The following MCTP1 variants were observed in gnomAD, a reference collection of about 807,000 sequenced individuals.
The protein encoded by MCTP1 is multiple C2 and transmembrane domain containing 1, also known as multiple C2 and transmembrane domain-containing protein 1.
In MCTP1, 69 loss-of-function variants were observed where a neutral mutation model predicts 120.6. That is an observed-to-expected ratio of 0.57 (90% confidence interval 0.47 to 0.70). The LOEUF is 0.70. Among genes scored for constraint, MCTP1 ranks in the 30% least tolerant of loss-of-function variants. The pLI, the probability that MCTP1 is intolerant of heterozygous loss-of-function variation, is 0.00. For missense variants in MCTP1, 1,203 were observed against 1,248.8 expected (o/e 0.96, Z 0.55); for synonymous variants, 529 against 493.1 (o/e 1.07, Z -0.96).
chr5:95,030,228 A>G (rs1357895822), intron 1 of MCTP1, among the ~76,000 whole-genome samples: 13 of 152,168 alleles, frequency 8.5e-5, no homozygotes, highest in Non-Finnish European at 1.6e-4. Context: ...GAGCTGATGC[A>G]TGCTCCACCA....
chr5:95,178,853 T>A (rs979823683), intron 1 of MCTP1, among the ~76,000 whole-genome samples: 1 of 152,070 alleles, frequency 6.6e-6, no homozygotes, highest in Non-Finnish European at 1.5e-5. Context: ...GAAAAAGAAT[T>A]CAGAAGGCCC....
intron 8 of MCTP1, among the ~76,000 whole-genome samples, chr5:94,914,767 T>C (rs1809637272): frequency 6.6e-6 from 1 of 152,220 alleles, no homozygotes; most frequent in South Asian, 2.1e-4. Flanking sequence ...CTGTTCTCCA[T>C]ATTGGATTTC....
At chr5:94,979,120 A>G (rs1411994698) in intron 2 of MCTP1, 1 of 152,116 alleles carries the variant, frequency 6.6e-6, no homozygotes, top group Non-Finnish European at 1.5e-5. Flanking sequence ...GCCACGGAGA[A>G]CAACAAACAA....
At chr5:94,896,475 A>G (rs1203417744) in intron 10 of MCTP1, among the ~76,000 whole-genome samples, 2 of 151,108 alleles carry the variant, frequency 1.3e-5, no homozygotes, top group African/African-American at 4.9e-5. Context: ...CCTTTTTTAT[A>G]TAATGCTGCA....
intron 1 of MCTP1, among the ~76,000 whole-genome samples, chr5:95,147,146 G>T (rs1416277537): frequency 2.6e-5 from 4 of 152,036 alleles, no homozygotes; most frequent in Non-Finnish European, 5.9e-5. Flanking sequence ...GAGTGCAGTG[G>T]TGTGATCTTG....
chr5:95,097,813 T>G (rs115988956), intron 1 of MCTP1, among the ~76,000 whole-genome samples: 2 of 152,154 alleles, frequency 1.3e-5, no homozygotes, highest in Non-Finnish European at 2.9e-5. Flanking sequence ...AAGAAAAAGA[T>G]CCAGCATGAT....
At chr5:94,951,524 C>G (rs566032186) in intron 3 of MCTP1, among the ~76,000 whole-genome samples, 2 of 152,274 alleles carry the variant, frequency 1.3e-5, no homozygotes, top group African/African-American at 4.8e-5. Flanking sequence ...TCCAAACAGC[C>G]TGTTGCTGTC....
chr5:95,149,752 C>T (rs559145846), intron 1 of MCTP1, among the ~76,000 whole-genome samples: 7 of 152,278 alleles, frequency 4.6e-5, no homozygotes, highest in South Asian at 2.1e-4. Flanking sequence ...GGGCTCCCTG[C>T]GGCCTTAAGC....
At chr5:95,163,240 CAGG>C (rs1174145954) in intron 1 of MCTP1, among the ~76,000 whole-genome samples, 3 of 152,112 alleles carry the variant, frequency 2.0e-5, no homozygotes, top group Admixed American at 1.3e-4. Flanking sequence ...TGCCTCCCAG[CAGG>C]AGATCAATAA....
chr5:95,226,511 C>T (rs1182621868), intron 1 of MCTP1, among the ~76,000 whole-genome samples: 1 of 152,090 alleles, frequency 6.6e-6, no homozygotes, highest in Non-Finnish European at 1.5e-5. Flanking sequence ...AGTGGCCACA[C>T]ATCCACTGCC....
intron 1 of MCTP1, among the ~76,000 whole-genome samples, chr5:95,181,991 C>T (rs908199271): frequency 6.6e-6 from 1 of 151,842 alleles, no homozygotes; most frequent in Non-Finnish European, 1.5e-5. Flanking sequence ...GAGAATTAGA[C>T]AACAAAGATG....
chr5:94,978,703 T>A (rs944203003), intron 2 of MCTP1, among the ~76,000 whole-genome samples: 2 of 151,978 alleles, frequency 1.3e-5, no homozygotes, highest in Non-Finnish European at 2.9e-5. Context: ...GTAGTAGGGG[T>A]GGGGAATGGG....
chr5:94,948,672 G>A (rs1296749805), intron 3 of MCTP1, among the ~76,000 whole-genome samples: 2 of 151,956 alleles, frequency 1.3e-5, no homozygotes, highest in Non-Finnish European at 2.9e-5. Context: ...CTCCCTACTT[G>A]TGCCCCAGAA....
chr5:94,845,037 C>A (rs1387606429), intron 17 of MCTP1, among the ~76,000 whole-genome samples: 1 of 152,160 alleles, frequency 6.6e-6, no homozygotes, highest in Non-Finnish European at 1.5e-5. Flanking sequence ...AATAAACAGA[C>A]AACGTACAGA....
chr5:95,081,276 T>C (rs1754865782), intron 1 of MCTP1: 2 of 584,474 alleles, frequency 3.4e-6, no homozygotes. Context: ...TAGGTTATAC[T>C]GTAAATTAAA....
intron 1 of MCTP1, among the ~76,000 whole-genome samples, chr5:95,190,451 A>G (rs1413097475): frequency 6.6e-6 from 1 of 152,140 alleles, no homozygotes; most frequent in Non-Finnish European, 1.5e-5. Context: ...CACTATCTTT[A>G]TGAATTTTCT....
Position 94,734,609 on chromosome 5 carries a change from A to T in MCTP1, c.2611-19723T>A, listed in dbSNP as rs183736058. ...AGTAGCTGGGACTATAGGCTGTGCC[A>T]CTACACCTGGCGAATTTTTGTACAT... On this transcript the variant is annotated intron_variant, in intron 19 of 22. Transcript: ENST00000515393. Among the ~76,000 whole-genome samples the T allele has an allele frequency of 1.9e-3, 292 of 152,164 alleles. 1 individual carries two copies. Among genetic ancestry groups the T allele is most frequent in the African/African-American group, 6.3e-3 (263 of 41,532 alleles).
At chr5:95,013,280 C>A (rs1332597320) in intron 2 of MCTP1, among the ~76,000 whole-genome samples, 2 of 152,088 alleles carry the variant, frequency 1.3e-5, no homozygotes, top group Non-Finnish European at 2.9e-5. Context: ...ATCTCTATGA[C>A]ATGAAAGAGC....
At chr5:95,200,163 A>G (rs573151774) in intron 1 of MCTP1, among the ~76,000 whole-genome samples, 1 of 151,576 alleles carries the variant, frequency 6.6e-6, no homozygotes, top group East Asian at 1.9e-4. Context: ...ACTATCTCAA[A>G]AAAAAAAAAA....
Sources: allele counts gnomAD v4.1 joint callset (sites outside exome capture counted in the v4.1 genomes callset), GRCh38; gene constraint gnomAD v4.1.1; transcripts MANE v1.5; gene names NCBI Gene and HGNC (gene_info 2026-07-23, HGNC 2026-07-21).